The following SLC14A1 variants were observed in gnomAD, a reference collection of about 807,000 sequenced individuals.
SLC14A1 encodes the protein urea transporter 1.
SLC14A1 carries 36 observed loss-of-function variants against 39.6 expected under a neutral mutation model. The observed-to-expected ratio is 0.91, with a 90% CI of 0.70 to 1.20. The LOEUF is 1.20. Among genes scored for constraint, SLC14A1 ranks in the 50% most tolerant of loss-of-function variants. SLC14A1 has a pLI of 0.00. For synonymous variants in SLC14A1, 164 were observed against 173.6 expected (o/e 0.94, Z 0.43); for missense variants, 469 against 478.7 (o/e 0.98, Z 0.19).
chr18:45,749,370 T>C (rs2047646902), intron 9 of SLC14A1, among the ~76,000 whole-genome samples: 1 of 151,958 alleles, frequency 6.6e-6, no homozygotes, highest in Non-Finnish European at 1.5e-5. Flanking sequence ...AAGTCTAAGA[T>C]CTAGACCAGG....
At chr18:45,727,176 C>G (rs1052629049) in intron 2 of SLC14A1, 16 of 1,341,380 alleles carry the variant, frequency 1.2e-5, no homozygotes, top group African/African-American at 2.9e-5. Flanking sequence ...CTCCAGCCCC[C>G]CTCAGCTTGC....
rs1298234379 is a variant in SLC14A1, at chr18:45,750,560, G to A, written c.*609G>A. The A allele has an allele frequency of 1.0e-5, 10 of 987,286 alleles. No individual in the cohort carries two copies. The highest frequency in any genetic ancestry group is 3.6e-6 in the Non-Finnish European group (3 of 831,306). The allele number at this position is 987,286 out of a possible 1,614,324, so 61.2% of individuals were successfully genotyped here. ...CATTCTCTCATGGGACAATGTTGGG[G>A]TTTTTCAGACTGACAGGACTGCAAG... On this transcript the variant is annotated 3_prime_UTR_variant, in exon 10 of 10. Transcript: ENST00000321925.
chr18:45,739,793 G>A (rs1041106238), intron 8 of SLC14A1, 131 bp downstream of exon 8: 18 of 1,152,186 alleles, frequency 1.6e-5, no homozygotes, highest in African/African-American at 6.1e-5. Context: ...CTGTCTAAGT[G>A]TGTGAACAGG....
At position 45,751,127 on chromosome 18, in the gene SLC14A1, C is replaced by A; in HGVS notation, c.*1176C>A. ...AGCCCAGGCGGGCAGATTGCTTGAA[C>A]CCAGGAGTTCAAGACCAGCCTGGGC... On this transcript the variant is annotated 3_prime_UTR_variant, in exon 10 of 10. Coordinates refer to ENST00000321925, the MANE Select transcript of SLC14A1 (RefSeq NM_015865.7). The A allele has an allele frequency of 2.8e-6, 2 of 709,952 alleles. No individual in the cohort carries two copies. The highest frequency in any genetic ancestry group is 3.5e-6 in the Non-Finnish European group (2 of 578,736). 44.0% of individuals were successfully genotyped at this position (709,952 alleles called of 1,614,324 possible). A position where few individuals can be genotyped will look rare whatever the true frequency, so the allele number is the denominator to read the frequency against.
chr18:45,739,685 G>C (rs992568282), intron 8 of SLC14A1, 23 bp downstream of exon 8: 1 of 1,613,910 alleles, frequency 6.2e-7, no homozygotes, highest in Admixed American at 1.7e-5. Flanking sequence ...CGCCCCTGGG[G>C]GAGGGCTGCT....
At chr18:45,728,519 T>C (rs2046934152) in intron 2 of SLC14A1, among the ~76,000 whole-genome samples, 1 of 152,178 alleles carries the variant, frequency 6.6e-6, no homozygotes, top group Non-Finnish European at 1.5e-5. Flanking sequence ...TGGTATGGCT[T>C]TGAAAATGGG....
chr18:45,725,439 ATTTG>A (rs1317707562), intron 2 of SLC14A1, among the ~76,000 whole-genome samples: 3 of 152,166 alleles, frequency 2.0e-5, no homozygotes, highest in African/African-American at 7.2e-5. Flanking sequence ...ACAGGGAGAC[ATTTG>A]TTTGTCAGAG....
intron 2 of SLC14A1, chr18:45,726,915 C>G (rs111991423): frequency 0.014 from 2,847 of 204,908 alleles, 79 homozygotes; most frequent in African/African-American, 0.058. Context: ...CCCTCCTCCC[C>G]CTCTGGAAGA....
chr18:45,751,799 A>T lies in SLC14A1; in HGVS notation c.*1848A>T. On this transcript the variant is annotated 3_prime_UTR_variant, in exon 10 of 10. Coordinates refer to ENST00000321925, the MANE Select transcript of SLC14A1 (RefSeq NM_015865.7). ...CCTATCTCAAAAAAATTAATTAATT[A>T]ATTAATTAATTAATTTAAAAAGGAA... 1 of 854,596 alleles carries T rather than the reference A, an allele frequency of 1.2e-6. No individual in the cohort carries two copies. The highest frequency in any genetic ancestry group is 5.5e-5 in the South Asian group (1 of 18,342). The allele number at this position is 854,596 out of a possible 1,614,324, so 52.9% of individuals were successfully genotyped here. A position where few individuals can be genotyped will look rare whatever the true frequency, so the allele number is the denominator to read the frequency against.
chr18:45,738,837 G>T (rs1189474985), intron 6 of SLC14A1, among the ~76,000 whole-genome samples: 1 of 152,118 alleles, frequency 6.6e-6, no homozygotes, highest in Non-Finnish European at 1.5e-5. Context: ...GATCCTCATA[G>T]CCAGGAGCAG....
chr18:45,728,180 G>T (rs537063824), intron 2 of SLC14A1, among the ~76,000 whole-genome samples: 13 of 152,212 alleles, frequency 8.5e-5, no homozygotes, highest in Non-Finnish European at 1.8e-4. Flanking sequence ...TGGCTCAACA[G>T]GAGACTCGGG....
Position 45,751,362 on chromosome 18 carries a change from C to T in SLC14A1, c.*1411C>T, listed in dbSNP as rs866278280. On this transcript the variant is annotated 3_prime_UTR_variant, in exon 10 of 10. Coordinates refer to ENST00000321925, the MANE Select transcript of SLC14A1 (RefSeq NM_015865.7). ...TCTCTCAAAAAAAAAAAAAAACAAA[C>T]AAAAACAAAAACAAAACAAAACAAA... is the stretch of plus-strand genomic sequence containing the variant. The T allele has an allele frequency of 2.3e-5, 18 of 776,574 alleles. No individual in the cohort carries two copies. The highest frequency in any genetic ancestry group is 2.6e-5 in the Non-Finnish European group (17 of 656,776). 48.1% of individuals were successfully genotyped at this position (776,574 alleles called of 1,614,324 possible).
chr18:45,732,162 A>AT (rs1599261345), intron 4 of SLC14A1, among the ~76,000 whole-genome samples: 1 of 152,196 alleles, frequency 6.6e-6, no homozygotes, highest in South Asian at 2.1e-4. Flanking sequence ...TGATCAACTC[A>AT]TTTTTTGTCA....
chr18:45,748,029 A>G (rs547964579), intron 8 of SLC14A1, among the ~76,000 whole-genome samples: 7 of 152,386 alleles, frequency 4.6e-5, no homozygotes, highest in African/African-American at 1.7e-4. Flanking sequence ...CTTTCCCTTA[A>G]GTATTAGCAA....
intron 6 of SLC14A1, chr18:45,737,591 G>A (rs189986585): frequency 1.1e-4 from 17 of 152,278 alleles, no homozygotes. Flanking sequence ...ACTAAAGGGA[G>A]CACCTGGAAA....
chr18:45,727,300 C>T (rs1468963879), intron 2 of SLC14A1: 1 of 1,551,514 alleles, frequency 6.4e-7, no homozygotes, highest in South Asian at 1.2e-5. Flanking sequence ...ATTGGCGGCG[C>T]TGGTGACGCC....
At chr18:45,745,708 A>C (rs2047527014) in intron 8 of SLC14A1, among the ~76,000 whole-genome samples, 1 of 152,220 alleles carries the variant, frequency 6.6e-6, no homozygotes, top group African/African-American at 2.4e-5. Flanking sequence ...ATTTCAGTGG[A>C]TGCCAACTTC....
At chr18:45,745,018 G>T (rs778487891) in intron 8 of SLC14A1, among the ~76,000 whole-genome samples, 5 of 152,212 alleles carry the variant, frequency 3.3e-5, no homozygotes, top group Non-Finnish European at 7.3e-5. Flanking sequence ...GCCAAGGCGG[G>T]TGGATCACAA....
chr18:45,727,003 G>GTT, intron 2 of SLC14A1: 1 of 393,084 alleles, frequency 2.5e-6, no homozygotes, highest in South Asian at 2.7e-5. Context: ...ATGGCTTCCC[G>GTT]TTATTTTTTT....
Sources: allele counts gnomAD v4.1 joint callset (sites outside exome capture counted in the v4.1 genomes callset), GRCh38; gene constraint gnomAD v4.1.1; transcripts MANE v1.5; gene names NCBI Gene and HGNC (gene_info 2026-07-23, HGNC 2026-07-21).